The following LRFN5 variants were observed in gnomAD, a reference collection of about 807,000 sequenced individuals.
LRFN5 encodes leucine rich repeat and fibronectin type III domain containing 5.
In LRFN5, 24 loss-of-function variants were observed where a neutral mutation model predicts 45.6. That is an observed-to-expected ratio of 0.53 (90% CI 0.38 to 0.74). The LOEUF is 0.74. LRFN5 is among the 30% of genes least tolerant of loss of function. The pLI is 0.00. For synonymous variants in LRFN5, 340 were observed against 313.8 expected, an observed-to-expected ratio of 1.08 and a Z score of -0.88; for missense variants, 776 against 861.5, an observed-to-expected ratio of 0.90 and a Z score of 1.24.
intron 1 of LRFN5, among the ~76,000 whole-genome samples, chr14:41,718,608 T>G (rs1167724906): frequency 2.0e-5 from 3 of 152,196 alleles, no homozygotes; most frequent in African/African-American, 7.2e-5. Flanking sequence ...ATGGGAAAGC[T>G]CTCCGTGTTA....
intron 1 of LRFN5, among the ~76,000 whole-genome samples, chr14:41,731,554 T>C (rs1339176879): frequency 6.6e-6 from 1 of 152,194 alleles, no homozygotes; most frequent in East Asian, 1.9e-4. Context: ...ATAGTTATTA[T>C]GCAGTCTTGC....
chr14:41,751,883 T>G (rs1566652192), intron 1 of LRFN5, among the ~76,000 whole-genome samples: 2 of 151,172 alleles, frequency 1.3e-5, no homozygotes, highest in Middle Eastern at 3.4e-3. Context: ...CATTTAACAT[T>G]AGGCATATCT....
intron 2 of LRFN5, among the ~76,000 whole-genome samples, chr14:41,854,469 C>T (rs1438380999): frequency 5.3e-5 from 8 of 151,626 alleles, no homozygotes; most frequent in Non-Finnish European, 1.2e-4. Flanking sequence ...ATGTAACAGA[C>T]CTGCACATTG....
chr14:41,720,428 T>G (rs568639831), intron 1 of LRFN5, among the ~76,000 whole-genome samples: 17 of 152,224 alleles, frequency 1.1e-4, no homozygotes, highest in South Asian at 8.3e-4. Flanking sequence ...AGCAGAATGA[T>G]GTATTTCCCT....
At chr14:41,802,099 G>A (rs1887355367) in intron 2 of LRFN5, among the ~76,000 whole-genome samples, 1 of 152,140 alleles carries the variant, frequency 6.6e-6, no homozygotes, top group South Asian at 2.1e-4. Flanking sequence ...TCTTTCAGCA[G>A]TATTAAAATG....
chr14:41,719,380 C>T (rs1883620088), intron 1 of LRFN5, among the ~76,000 whole-genome samples: 1 of 151,938 alleles, frequency 6.6e-6, no homozygotes. Flanking sequence ...AAAATGATGA[C>T]TACTGCATCC....
intron 2 of LRFN5, among the ~76,000 whole-genome samples, chr14:41,804,879 A>G (rs1887464892): frequency 6.6e-6 from 1 of 152,208 alleles, no homozygotes; most frequent in Non-Finnish European, 1.5e-5. Flanking sequence ...TACCTCTAAT[A>G]CCAATAAACC....
chr14:41,872,551 T>G (rs1477206216), intron 2 of LRFN5, among the ~76,000 whole-genome samples: 2 of 152,188 alleles, frequency 1.3e-5, no homozygotes, highest in African/African-American at 2.4e-5. Flanking sequence ...GAATGAGTCC[T>G]TATCATCCTT....
At chr14:41,834,066 T>A (rs1318416926) in intron 2 of LRFN5, among the ~76,000 whole-genome samples, 1 of 152,186 alleles carries the variant, frequency 6.6e-6, no homozygotes, top group Admixed American at 6.5e-5. Context: ...AACATTTTTA[T>A]TTGTGTGTCA....
At chr14:41,832,972 C>T (rs912021828) in intron 2 of LRFN5, among the ~76,000 whole-genome samples, 2 of 152,082 alleles carry the variant, frequency 1.3e-5, no homozygotes, top group African/African-American at 4.8e-5. Flanking sequence ...GAACAACATG[C>T]GGCCTTTTCT....
intron 1 of LRFN5, among the ~76,000 whole-genome samples, chr14:41,616,188 A>G (rs1887920577): frequency 2.0e-5 from 3 of 152,148 alleles, no homozygotes; most frequent in Admixed American, 2.0e-4. Context: ...GAGCAACACA[A>G]GAAGAGTAAA....
At chr14:41,671,433 T>C (rs569735615) in intron 1 of LRFN5, among the ~76,000 whole-genome samples, 14 of 152,120 alleles carry the variant, frequency 9.2e-5, no homozygotes, top group Non-Finnish European at 1.9e-4. Context: ...TCTTTATTTG[T>C]TCACTCCAGT....
chr14:41,755,162 G>C (rs1490299082), intron 1 of LRFN5, among the ~76,000 whole-genome samples: 1 of 152,172 alleles, frequency 6.6e-6, no homozygotes, highest in Non-Finnish European at 1.5e-5. Flanking sequence ...TTTTACATTT[G>C]CTGAGGAGAG....
In LRFN5 at chr14:41,887,432, A is replaced by C. The variant is rs781143597; in HGVS notation, c.807A>C (p.Leu269Phe). The change falls in exon 3 of 6, where the codon TTA (leucine) becomes TTC (phenylalanine). Residue 269 changes from leucine (L) to phenylalanine (F), a missense_variant. By Grantham distance (22) the Leu-to-Phe change is conservative. Transcript: ENST00000298119. The surrounding 1 kb of genome is among the most constrained non-coding windows in gnomAD (Gnocchi z 4.8). ...AGACCTGTGCTTCTCCTCCACTTTT[A>C]ACTGGCCGCTACTTTTGGTCAATTC... ...DLETCASPPL[L>F]TGRYFWSIPE... is the part of the protein sequence containing the mutation. 2 of 1,614,118 alleles carry C rather than the reference A, an allele frequency of 1.2e-6. No homozygotes were observed. The highest frequency in any genetic ancestry group is 3.3e-5 in the Admixed American group (2 of 60,022).
At chr14:41,713,058 A>G (rs1883350790) in intron 1 of LRFN5, among the ~76,000 whole-genome samples, 1 of 152,172 alleles carries the variant, frequency 6.6e-6, no homozygotes, top group Non-Finnish European at 1.5e-5. Context: ...AGAGTCTACA[A>G]ACAAATCTAT....
At chr14:41,755,666 C>T (rs1885343861) in intron 1 of LRFN5, among the ~76,000 whole-genome samples, 1 of 152,168 alleles carries the variant, frequency 6.6e-6, no homozygotes, top group Non-Finnish European at 1.5e-5. Flanking sequence ...TGTCTCTGCA[C>T]ATGAGATGTG....
chr14:41,683,381 G>A (rs2138690066), intron 1 of LRFN5, among the ~76,000 whole-genome samples: 1 of 152,286 alleles, frequency 6.6e-6, no homozygotes, highest in Non-Finnish European at 1.5e-5. Context: ...GGGGGAAACT[G>A]TAAACATTTC....
chr14:41,686,151 G>A (rs966574742), intron 1 of LRFN5, among the ~76,000 whole-genome samples: 1 of 151,900 alleles, frequency 6.6e-6, no homozygotes, highest in Non-Finnish European at 1.5e-5. Context: ...TTGAGCAGGC[G>A]TTTGTAGTTC....
chr14:41,888,154 G>T, intron 3 of LRFN5, 144 bp downstream of exon 3: 2 of 621,720 alleles, frequency 3.2e-6, no homozygotes, highest in Non-Finnish European at 5.4e-6. Context: ...CTTTGAAAAA[G>T]GTGGTAATAC....
Sources: gnomAD v4.1 joint callset for allele counts (sites outside exome capture counted in the v4.1 genomes callset) on GRCh38, gnomAD v4.1.1 for gene constraint, Gnocchi (gnomAD v3.1) non-coding constraint, MANE v1.5 for transcripts, NCBI Gene and HGNC (gene_info 2026-07-23, HGNC 2026-07-21) for gene names.